MYO1F: variants seen among roughly 807,000 people sequenced by gnomAD.
MYO1F encodes myosin IF.
In MYO1F, 60 loss-of-function variants were observed where a neutral mutation model predicts 146.6. The observed-to-expected ratio is 0.41, with a 90% CI of 0.33 to 0.51. The LOEUF (loss-of-function observed/expected upper bound fraction) is 0.51, where lower values mean the gene tolerates loss of function less well. Ranked by LOEUF, MYO1F falls within the 20% of genes least tolerant of loss-of-function variation. The pLI is 0.25. For synonymous variants in MYO1F, 602 were observed against 602.1 expected (o/e 1.00, Z 0.00); for missense variants, 1,274 against 1,534.3 (o/e 0.83, Z 2.83).
intron 13 of MYO1F, 160 bp downstream of exon 13, chr19:8,545,490 C>G: frequency 1.4e-6 from 1 of 722,092 alleles, no homozygotes; most frequent in South Asian, 1.5e-5. Context: ...GGATGAGGGG[C>G]GGAAGGGACA....
intron 1 of MYO1F, among the ~76,000 whole-genome samples, chr19:8,571,553 T>C (rs1440412675): frequency 1.3e-5 from 2 of 151,988 alleles, no homozygotes; most frequent in South Asian, 2.1e-4. Context: ...TAGCTGGGAC[T>C]ACAGGCGCCC....
intron 13 of MYO1F, among the ~76,000 whole-genome samples, 173 bp from the exon 14 acceptor site, chr19:8,544,637 G>C (rs1973262054): frequency 1.3e-5 from 2 of 151,874 alleles, no homozygotes; most frequent in South Asian, 4.1e-4. Flanking sequence ...GCGTTGCAGG[G>C]GTCAGGGATG....
chr19:8,552,697 T>A (rs778198680), intron 6 of MYO1F, among the ~76,000 whole-genome samples: 4 of 151,576 alleles, frequency 2.6e-5, no homozygotes, highest in Non-Finnish European at 4.4e-5. Flanking sequence ...CATAGATTTT[T>A]TTCCCCCCCA....
chr19:8,551,738 A>G lies in MYO1F; in HGVS notation c.771+2T>C. On this transcript the variant is annotated splice_donor_variant, in intron 8 of 27. Transcript: ENST00000644032. LOFTEE classifies it high-confidence loss of function. Reference sequence around the variant, plus strand: ...GGGACTGGAGTAGAGGCCGGTGCTCACCAGAGTCTCACCAAAGTCGCTTCT... The same window carrying G: ...GGGACTGGAGTAGAGGCCGGTGCTCGCCAGAGTCTCACCAAAGTCGCTTCT... 1 of 1,614,142 alleles carries G rather than the reference A, an allele frequency of 6.2e-7. No homozygotes were observed. Among genetic ancestry groups the G allele is most frequent in the Non-Finnish European group, 8.5e-7 (1 of 1,180,036 alleles).
In MYO1F at chr19:8,530,021, G is replaced by T; in HGVS notation, c.2328+175C>A. ...ACCTGTGATGGAACAGATGGATCTAGGCTGGGGGATCTATGCCTGTGGGCA... is the reference window on the plus strand; with the variant it reads ...ACCTGTGATGGAACAGATGGATCTATGCTGGGGGATCTATGCCTGTGGGCA... On this transcript the variant is annotated intron_variant, in intron 21 of 27. Coordinates refer to ENST00000644032, the MANE Select transcript of MYO1F (RefSeq NM_012335.4). This position sits in a 1 kb window ranked among gnomAD's most constrained non-coding sequence, Gnocchi z 5.8. The T allele has an allele frequency of 1.2e-6, 1 of 833,354 alleles. No individual in the cohort carries two copies. Among genetic ancestry groups the T allele is most frequent in the Non-Finnish European group, 2.0e-6 (1 of 504,314 alleles). The allele number at this position is 833,354 out of a possible 1,614,324, so 51.6% of individuals were successfully genotyped here.
chr19:8,548,187 T>G, intron 11 of MYO1F, 50 bp downstream of exon 11: 1 of 1,613,146 alleles, frequency 6.2e-7, no homozygotes, highest in Non-Finnish European at 8.5e-7. Context: ...GTGGCCACCC[T>G]GGGCTGCCCC....
chr19:8,548,336 C>T lies in MYO1F; in HGVS notation c.1102-19G>A, dbSNP rs1227155112. 1.2e-6 allele frequency: 2 copies of T among 1,612,660 alleles called. No homozygotes were observed. Among genetic ancestry groups the T allele is most frequent in the African/African-American group, 1.3e-5 (1 of 74,878 alleles). Reference sequence around the variant, plus strand: ...TGATGGCCTGCGGTGTGGGTGGGGACAGGAAGTCAGTGGGCATCGGTCAGA... The same window carrying T: ...TGATGGCCTGCGGTGTGGGTGGGGATAGGAAGTCAGTGGGCATCGGTCAGA... On this transcript the variant is annotated intron_variant, in intron 10 of 27. Coordinates refer to ENST00000644032, the MANE Select transcript of MYO1F (RefSeq NM_012335.4).
chr19:8,543,696 G>GTGGTGGTGGTGGTGGTGGTGGTGC, intron 14 of MYO1F, among the ~76,000 whole-genome samples: 1 of 21,062 alleles, frequency 4.7e-5, no homozygotes, highest in African/African-American at 1.7e-4. Flanking sequence ...GGTGGTGGTG[G>GTGGTGGTGGTGGTGGTGGTGGTGC]TGGTGGTGGT....
chr19:8,524,995 C>G lies in MYO1F; in HGVS notation c.2854+484G>C, dbSNP rs979366193. On this transcript the variant is annotated intron_variant, in intron 25 of 27. Transcript: ENST00000644032. The stretch of plus-strand genomic sequence containing the variant: ...GGCGGGTCACCTGAGGTCAGGAGTT[C>G]GAGACCAGCCTGAACAACGTGGTGA... Among the ~76,000 whole-genome samples, 20 of 151,976 alleles carry G rather than the reference C, an allele frequency of 1.3e-4. 1 individual carries two copies. The highest frequency in any genetic ancestry group is 4.6e-4 in the African/African-American group (19 of 41,456).
intron 16 of MYO1F, among the ~76,000 whole-genome samples, chr19:8,537,705 A>G (rs561693690): frequency 1.4e-4 from 22 of 152,200 alleles, no homozygotes; most frequent in Admixed American, 2.6e-4. Flanking sequence ...AGGTGTTGGG[A>G]TTACAGGCAT....
chr19:8,575,292 G>C (rs11878208), intron 1 of MYO1F, among the ~76,000 whole-genome samples: 1 of 150,756 alleles, frequency 6.6e-6, no homozygotes, highest in African/African-American at 2.4e-5. Flanking sequence ...GGCCAGGATC[G>C]TTTCTATCTC....
At chr19:8,575,003 A>C (rs1207838514) in intron 1 of MYO1F, among the ~76,000 whole-genome samples, 3 of 147,708 alleles carry the variant, frequency 2.0e-5, no homozygotes, top group Non-Finnish European at 4.5e-5. Flanking sequence ...TGATCCGCCC[A>C]CCTCGGCCTC....
At position 8,553,160 on chromosome 19, in the gene MYO1F, G is replaced by C; in HGVS notation, c.483C>G (p.Arg161=). ...TTACAAAGCGGCTGGAATTGTTGTTGCGCACAGTCTTGGCGTTGCCGAAGG... is the reference window on the plus strand; with the variant it reads ...TTACAAAGCGGCTGGAATTGTTGTTCCGCACAGTCTTGGCGTTGCCGAAGG... ...LEAFGNAKTV[R]NNNSSRFGKY... Residue 161 remains arginine, a synonymous_variant, in exon 6 of 28, where the codon CGC becomes CGG. Transcript: ENST00000644032. 1 of 1,614,178 alleles carries C rather than the reference G, an allele frequency of 6.2e-7. No homozygotes were observed. Among genetic ancestry groups the C allele is most frequent in the Non-Finnish European group, 8.5e-7 (1 of 1,180,042 alleles).
Position 8,530,482 on chromosome 19 carries a change from T to G in MYO1F, c.2135A>C (p.Lys712Thr), listed in dbSNP as rs1400696055. Residue 712 changes from lysine (K) to threonine (T), a missense_variant, in exon 20 of 28, where the codon AAG becomes ACG. Around this residue, in one of 2 missense-constraint regions of MYO1F, gnomAD observed 900 missense variants for 1,155.1 expected, o/e 0.78. Coordinates refer to ENST00000644032, the MANE Select transcript of MYO1F (RefSeq NM_012335.4). This position sits in a 1 kb window ranked among gnomAD's most constrained non-coding sequence, Gnocchi z 5.8. ...KAWRRHVAVRKYEEMREEASN... is the reference protein window; with the variant it reads ...KAWRRHVAVRTYEEMREEASN... ...ACCTTCCTCCCGCATCTCCTCGTAC[T>G]TCCGGACAGCCACGTGGCGCCGCCA... The G allele has an allele frequency of 9.3e-6, 15 of 1,613,810 alleles. No homozygotes were observed. The highest frequency in any genetic ancestry group is 1.3e-5 in the Non-Finnish European group (15 of 1,180,018).
rs73501545 is a variant in MYO1F at position 8,555,939 on chromosome 19, A to G, written c.4-143T>C. 0.19 allele frequency: 165,067 copies of G among 887,710 alleles called. 21,967 individuals are homozygous for G. The highest frequency in any genetic ancestry group is 0.61 in the African/African-American group (35,549 of 58,180). The allele number at this position is 887,710 out of a possible 1,614,324, so 55.0% of individuals were successfully genotyped here. ...TTCCCCATCTCCAGGAGAGGCTGGC[A>G]GGGTCCAAGCCAGGCCCCCTGCCCC... On this transcript the variant is annotated intron_variant, in intron 1 of 27. Transcript: ENST00000644032.
Position 8,525,473 on chromosome 19 carries a change from C to T in MYO1F, c.2854+6G>A, listed in dbSNP as rs1972225645. 6.2e-7 allele frequency: 1 copy of T among 1,612,722 alleles called. No individual in the cohort carries two copies. Among genetic ancestry groups the T allele is most frequent in the African/African-American group, 1.3e-5 (1 of 75,036 alleles). ...AGGGAATATAGCAAGGGACGCAGCT[C>T]CTCACCTCTGGGGGGCGCAGGGGCC... On this transcript the variant is annotated splice_donor_region_variant and intron_variant, in intron 25 of 27. Transcript: ENST00000644032.
chr19:8,548,072 C>A lies in MYO1F; in HGVS notation c.1233G>T (p.Gln411His), dbSNP rs1973445596. 6.2e-7 allele frequency: 1 copy of A among 1,608,154 alleles called. No individual in the cohort carries two copies. Among genetic ancestry groups the A allele is most frequent in the Non-Finnish European group, 8.5e-7 (1 of 1,177,352 alleles). ...FCINFVNEKL[Q>H]QIFIELTLKA... ...TCAGGGTAAGTTCGATAAAGATTTG[C>A]TGCAGCTTCTCATTGACGAAGTTGA... Residue 411 changes from glutamine to histidine, a missense_variant, in exon 12 of 28, where the codon CAG becomes CAT. Gln to His is a conservative substitution (Grantham distance 24, BLOSUM62 0). This residue lies in a region of MYO1F where 900 missense variants were observed against 1,155.1 expected (regional missense o/e 0.78). Coordinates refer to ENST00000644032, the MANE Select transcript of MYO1F (RefSeq NM_012335.4).
chr19:8,526,667 G>A, intron 23 of MYO1F, 66 bp from the exon 24 acceptor site: 1 of 1,554,890 alleles, frequency 6.4e-7, no homozygotes, highest in Non-Finnish European at 8.7e-7. Flanking sequence ...ACTCTCGCTG[G>A]TTGGGGCAGG....
intron 6 of MYO1F, among the ~76,000 whole-genome samples, chr19:8,552,927 T>C (rs1033821478): frequency 3.9e-5 from 6 of 151,994 alleles, no homozygotes; most frequent in African/African-American, 1.5e-4. Context: ...TACACAGGGG[T>C]GTCATGGCCT....
Sources: gnomAD v4.1 joint callset for allele counts (sites outside exome capture counted in the v4.1 genomes callset) on GRCh38, gnomAD v4.1.1 for gene constraint, gnomAD v4.1.1 regional missense constraint, Gnocchi (gnomAD v3.1) non-coding constraint, MANE v1.5 for transcripts, NCBI Gene and HGNC (gene_info 2026-07-23, HGNC 2026-07-21) for gene names.